UBE2Z: variants seen among roughly 807,000 people sequenced by gnomAD.
UBE2Z encodes the protein ubiquitin-conjugating enzyme E2 Z.
Under a neutral mutation model 32.6 loss-of-function variants are expected in UBE2Z, and 10 were observed. The ratio of observed to expected loss-of-function variants is 0.31; its 90% CI spans 0.19 to 0.52. The LOEUF (loss-of-function observed/expected upper bound fraction) is 0.52, where lower values mean the gene tolerates loss of function less well. Ranked by LOEUF, UBE2Z falls within the 20% of genes least tolerant of loss-of-function variation. The pLI is 0.97. For missense variants in UBE2Z, 343 were observed against 480.9 expected, an observed-to-expected ratio of 0.71 and a Z score of 2.68; for synonymous variants, 183 against 190.8, an observed-to-expected ratio of 0.96 and a Z score of 0.34.
intron 2 of UBE2Z, chr17:48,911,882 C>T (rs1401337871): frequency 6.6e-6 from 1 of 152,106 alleles, no homozygotes. Flanking sequence ...ATTGCCACGT[C>T]CCTTTCCTTT....
rs2143753480 is a variant in UBE2Z at position 48,908,866 on chromosome 17, A to G, written c.317+46A>G. The G allele has an allele frequency of 2.3e-6, 3 of 1,312,314 alleles. No homozygotes were observed. In the Middle Eastern group the frequency reaches 8.4e-4, roughly 366 times the overall value. The allele number at this position is 1,312,314 out of a possible 1,614,324, so 81.3% of individuals were successfully genotyped here. On this transcript the variant is annotated intron_variant, in intron 1 of 6. Coordinates refer to ENST00000360943, the MANE Select transcript of UBE2Z (RefSeq NM_023079.5). ...CCCCAGCCCCGAGCTCCGGGGCTCG[A>G]CCTTCCCCGCCCCCCACCCTCTCCC...
In UBE2Z at chr17:48,908,602, C is replaced by G; in HGVS notation, c.99C>G (p.Ser33Arg). 8.1e-7 allele frequency: 1 copy of G among 1,238,736 alleles called. No individual in the cohort carries two copies. The highest frequency in any genetic ancestry group is 1.0e-6 in the Non-Finnish European group (1 of 988,384). The allele number at this position is 1,238,736 out of a possible 1,614,324, so 76.7% of individuals were successfully genotyped here. Residue 33 changes from serine (S) to arginine (R), a missense_variant, in exon 1 of 7, where the codon AGC becomes AGG. Transcript: ENST00000360943. ...CTGGTGTTGTTGGCGTTAGCGGCAG[C>G]GGCGGCGGGTTCGGGCCGCCTTTCC... is the stretch of plus-strand genomic sequence containing the variant. ...SVAGVVGVSG[S>R]GGGFGPPFLP...
At position 48,915,873 on chromosome 17, in the gene UBE2Z, C is replaced by CCCT. The variant is rs2040715774; in HGVS notation, c.579-202_579-200dup. The CCCT allele has an allele frequency of 8.9e-6, 3 of 338,502 alleles. No individual in the cohort carries two copies. In the South Asian group the frequency reaches 1.4e-4, roughly 16 times the overall value. The allele number at this position is 338,502 out of a possible 1,614,324, so 21.0% of individuals were successfully genotyped here. On this transcript the variant is annotated intron_variant, in intron 3 of 6. Transcript: ENST00000360943. ...CTATTACCTGTTCTTTTGCCCCCCC[C>CCCT]CCTTGATTTGAGGATTAGGCAATTG...
At chr17:48,923,919 A>G (rs1363464765) in intron 6 of UBE2Z, among the ~76,000 whole-genome samples, 1 of 152,042 alleles carries the variant, frequency 6.6e-6, no homozygotes, top group African/African-American at 2.4e-5. Context: ...GTTTTTTGAG[A>G]CAGAGTCTTG....
At chr17:48,915,764 C>G (rs2040714184) in intron 3 of UBE2Z, 1 of 276,070 alleles carries the variant, frequency 3.6e-6, no homozygotes, top group African/African-American at 2.3e-5. Context: ...AACTTTGGAG[C>G]TAATTGCTTA....
chr17:48,910,497 A>C, intron 1 of UBE2Z: 2 of 298,352 alleles, frequency 6.7e-6, no homozygotes, highest in East Asian at 6.1e-5. Flanking sequence ...TGTGGGAGGA[A>C]GTGAGAGTAA....
intron 5 of UBE2Z, 133 bp from the exon 6 acceptor site, chr17:48,922,714 C>T (rs1046535243): frequency 7.3e-6 from 4 of 550,386 alleles, no homozygotes; most frequent in African/African-American, 5.8e-5. Context: ...TCACAGTGAG[C>T]TGAGGTTGCA....
chr17:48,913,239 C>CTTAA (rs2040693038), intron 3 of UBE2Z, among the ~76,000 whole-genome samples: 1 of 152,170 alleles, frequency 6.6e-6, no homozygotes, highest in Non-Finnish European at 1.5e-5. Flanking sequence ...AAGTGGTTCT[C>CTTAA]TTAAGAGTGT....
rs1178240686 is a variant in UBE2Z at position 48,908,763 on chromosome 17, T to G, written c.260T>G (p.Leu87Arg). ...CTGCTTAGCCACTGGGACCCCACGC[T>G]CAGCTCCGACTGGGACGGCGAGCGC... ...AALLSHWDPT[L>R]SSDWDGERTA... The change falls in exon 1 of 7, where the codon CTC becomes CGC. Residue 87 changes from leucine (L) to arginine (R), a missense_variant. Leu to Arg is a moderately radical substitution (Grantham distance 102, BLOSUM62 -2). Transcript: ENST00000360943. 1 of 1,504,748 alleles carries G rather than the reference T, an allele frequency of 6.6e-7. No homozygotes were observed. The highest frequency in any genetic ancestry group is 2.1e-5 in the Admixed American group (1 of 48,766). 93.2% of individuals were successfully genotyped at this position (1,504,748 alleles called of 1,614,324 possible). A position where few individuals can be genotyped will look rare whatever the true frequency, so the allele number is the denominator to read the frequency against.
intron 1 of UBE2Z, chr17:48,910,584 C>G (rs540931879): frequency 4.5e-6 from 2 of 447,154 alleles, no homozygotes; most frequent in East Asian, 3.3e-5. Flanking sequence ...CTCCCCTCCC[C>G]CTGAGGAAAC....
chr17:48,916,983 A>G (rs1344502639), intron 4 of UBE2Z, among the ~76,000 whole-genome samples: 1 of 151,536 alleles, frequency 6.6e-6, no homozygotes, highest in Non-Finnish European at 1.5e-5. Flanking sequence ...AGCCTGGGTA[A>G]GGAGCGAAAC....
chr17:48,912,220 C>G (rs1464567412), intron 2 of UBE2Z: 1 of 152,842 alleles, frequency 6.5e-6, no homozygotes, highest in Non-Finnish European at 1.5e-5. Context: ...AGCAGATACC[C>G]TAGGCATCCA....
chr17:48,915,872 C>CCG (rs1555580017), intron 3 of UBE2Z: 4 of 338,330 alleles, frequency 1.2e-5, no homozygotes, highest in South Asian at 4.7e-5. Context: ...TTTGCCCCCC[C>CCG]CCCTTGATTT....
chr17:48,918,759 T>TG (rs2040738606), intron 4 of UBE2Z, among the ~76,000 whole-genome samples: 1 of 150,446 alleles, frequency 6.6e-6, no homozygotes, highest in Non-Finnish European at 1.5e-5. Flanking sequence ...TTTTTTTTTT[T>TG]TTTTGGAGGC....
At chr17:48,915,746 A>G (rs575533793) in intron 3 of UBE2Z, 351 of 255,236 alleles carry the variant, frequency 1.4e-3, no homozygotes, top group Non-Finnish European at 1.0e-3. Context: ...GGAGATTAAC[A>G]TTTAGACAAC....
chr17:48,923,003 C>T lies in UBE2Z; in HGVS notation c.894+66C>T, dbSNP rs188049573. On this transcript the variant is annotated intron_variant, in intron 6 of 6. Coordinates refer to ENST00000360943, the MANE Select transcript of UBE2Z (RefSeq NM_023079.5). The stretch of plus-strand genomic sequence containing the variant: ...TGGCCATGTAAAAGCCCCCCACAAG[C>T]GTGGCATCGACAGCTGTCATAGAAT... The T allele has an allele frequency of 3.5e-6, 5 of 1,413,208 alleles. No homozygotes were observed. In the East Asian group the frequency reaches 9.8e-5, roughly 28 times the overall value. 87.5% of individuals were successfully genotyped at this position (1,413,208 alleles called of 1,614,324 possible).
At chr17:48,913,115 G>C in intron 3 of UBE2Z, 94 bp downstream of exon 3, 1 of 1,248,166 alleles carries the variant, frequency 8.0e-7, no homozygotes, top group Non-Finnish European at 1.1e-6. Flanking sequence ...CTGAACTACA[G>C]AACACAGAAA....
rs201929916 is a variant in UBE2Z, at chr17:48,928,339, G to GA, written c.*1216dup. 0.013 allele frequency: 1,972 copies of GA among 147,562 alleles called. 27 individuals are homozygous for GA. The highest frequency in any genetic ancestry group is 0.071 in the East Asian group (362 of 5,090). The allele number at this position is 147,562 out of a possible 1,614,324, so 9.1% of individuals were successfully genotyped here. A position where few individuals can be genotyped will look rare whatever the true frequency, so the allele number is the denominator to read the frequency against. ...AGTGATCCTTTAGCTGGTTGGCTCA[G>GA]AAAAAAAAAAATGTGCTTTAGGTGC... On this transcript the variant is annotated 3_prime_UTR_variant, in exon 7 of 7. Transcript: ENST00000360943.
Position 48,927,342 on chromosome 17 carries a change from T to TCGTTCATC in UBE2Z, c.*210_*217dup, listed in dbSNP as rs1468666754. 3.0e-5 allele frequency: 17 copies of TCGTTCATC among 567,302 alleles called. No homozygotes were observed. Among genetic ancestry groups the TCGTTCATC allele is most frequent in the Admixed American group, 6.1e-5 (2 of 33,052 alleles). The allele number at this position is 567,302 out of a possible 1,614,324, so 35.1% of individuals were successfully genotyped here. A position where few individuals can be genotyped will look rare whatever the true frequency, so the allele number is the denominator to read the frequency against. Reference sequence around the variant, plus strand: ...CCTTGGCACTGGAGCATCTGGGGCTTCGTTCATCCATTCATCCCGTATCAG... The same window carrying TCGTTCATC: ...CCTTGGCACTGGAGCATCTGGGGCTTCGTTCATCCGTTCATCCATTCATCCCGTATCAG... On this transcript the variant is annotated 3_prime_UTR_variant, in exon 7 of 7. Coordinates refer to ENST00000360943, the MANE Select transcript of UBE2Z (RefSeq NM_023079.5).
Sources: allele counts gnomAD v4.1 joint callset (sites outside exome capture counted in the v4.1 genomes callset), GRCh38; gene constraint gnomAD v4.1.1; transcripts MANE v1.5; gene names NCBI Gene and HGNC (gene_info 2026-07-23, HGNC 2026-07-21).